The following BTG4 variants were observed in gnomAD, a reference collection of about 807,000 sequenced individuals.
BTG4 encodes BTG anti-proliferation factor 4.
BTG4 carries 10 observed loss-of-function variants against 19.3 expected under a neutral mutation model. The observed-to-expected ratio is 0.52, with a 90% CI of 0.32 to 0.88. The LOEUF is 0.88. BTG4 is among the 40% of genes least tolerant of loss of function. BTG4 has a pLI of 0.04. For missense variants in BTG4, 238 were observed against 281.9 expected (o/e 0.84, Z 1.11); for synonymous variants, 91 against 95.7 (o/e 0.95, Z 0.29).
At chr11:111,386,571 G>C in the BTG4 span, among the ~76,000 whole-genome samples, 11 of 152,304 alleles carry the variant, frequency 7.2e-5, no homozygotes, top group East Asian at 9.6e-4. Context: ...TGATTTTAAA[G>C]GAGGGCCATG....
At chr11:111,491,796 T>C (rs1450371622), downstream of BTG4, among the ~76,000 whole-genome samples, 1 of 150,394 alleles carries the variant, frequency 6.6e-6, no homozygotes, top group Non-Finnish European at 1.5e-5. Flanking sequence ...TACATACTCA[T>C]CATAGAAAAT....
the BTG4 span, chr11:111,397,956 C>A: frequency 6.6e-6 from 1 of 152,138 alleles, no homozygotes; most frequent in African/African-American, 2.4e-5. Flanking sequence ...AGTGTAATTT[C>A]TCTTAAATAA....
chr11:111,466,877 C>G (rs781436704), downstream of BTG4: 4 of 152,640 alleles, frequency 2.6e-5, no homozygotes, highest in Admixed American at 6.5e-5. Flanking sequence ...ACCTCCTTAT[C>G]CCCCAGCTTC....
In BTG4 at chr11:111,498,164, C is replaced by A. The variant is rs1466874705; in HGVS notation, c.174-29G>T. On this transcript the variant is annotated intron_variant, in intron 2 of 4. Coordinates refer to ENST00000692032, the MANE Select transcript of BTG4 (RefSeq NM_001367975.1). The stretch of plus-strand genomic sequence containing the variant: ...TTTAAAAAGCGAAGGGAAACGAAGA[C>A]ATGATGACAGACACTTTAGCAGGAG... 3 of 1,611,350 alleles carry A rather than the reference C, an allele frequency of 1.9e-6. No individual in the cohort carries two copies. In the South Asian group the frequency reaches 3.3e-5, roughly 18 times the overall value.
Position 111,497,342 on chromosome 11 carries a change from A to AT in BTG4, c.378dup (p.Tyr127IlefsTer9). On this transcript the variant is annotated frameshift_variant, in exon 4 of 5. Transcript: ENST00000692032. LOFTEE classifies it high-confidence loss of function. ...CTAACGGCATAACTGATTTGTTGAT[A>AT]TAGTTCCCATTCCTCCCATCTGCCT... 2 of 1,558,346 alleles carry AT rather than the reference A, an allele frequency of 1.3e-6. No individual in the cohort carries two copies. The highest frequency in any genetic ancestry group is 1.7e-4 in the Middle Eastern group (1 of 5,846).
chr11:111,404,050 G>A, the BTG4 span, among the ~76,000 whole-genome samples: 2 of 152,128 alleles, frequency 1.3e-5, no homozygotes, highest in African/African-American at 4.8e-5. Flanking sequence ...GGGACCCAGT[G>A]GGAGGTAATT....
chr11:111,446,711 G>A, the BTG4 span, among the ~76,000 whole-genome samples: 4 of 151,132 alleles, frequency 2.6e-5, no homozygotes, highest in African/African-American at 9.8e-5. Flanking sequence ...TCCACGCCCT[G>A]CTCACCACTT....
intron 5 of BTG4, chr11:111,474,950 C>T (rs1864314402): frequency 6.6e-6 from 1 of 152,520 alleles, no homozygotes; most frequent in South Asian, 2.1e-4. Context: ...GTGCCTAATC[C>T]AGTCTTTTGC....
chr11:111,473,633 C>T (rs991116918), intron 5 of BTG4, among the ~76,000 whole-genome samples: 6 of 152,062 alleles, frequency 3.9e-5, no homozygotes, highest in Non-Finnish European at 8.8e-5. Flanking sequence ...AGAAAGGATC[C>T]AAGAGAGCAT....
intron 2 of BTG4, 109 bp from the exon 3 acceptor site, chr11:111,498,244 A>C: frequency 7.9e-7 from 1 of 1,261,570 alleles, no homozygotes; most frequent in Non-Finnish European, 1.1e-6. Context: ...TCATCCCCTC[A>C]GCCTCCTTCC....
At chr11:111,469,958 C>T (rs1159952470) in intron 5 of BTG4, 1 of 152,666 alleles carries the variant, frequency 6.6e-6, no homozygotes, top group Non-Finnish European at 1.5e-5. Context: ...GCATGTATCT[C>T]CCTTGGAGCC....
upstream of BTG4, among the ~76,000 whole-genome samples, chr11:111,512,664 G>A (rs995065410): frequency 3.9e-5 from 6 of 152,158 alleles, no homozygotes; most frequent in African/African-American, 1.4e-4. Flanking sequence ...GCTGCGGGAA[G>A]GGGAGGCCTG....
At chr11:111,506,208 C>A (rs1866446217) in intron 1 of BTG4, among the ~76,000 whole-genome samples, 1 of 152,058 alleles carries the variant, frequency 6.6e-6, no homozygotes, top group South Asian at 2.1e-4. Context: ...ACAATTAGAG[C>A]AAAGTCATGG....
intron 5 of BTG4, among the ~76,000 whole-genome samples, chr11:111,479,288 G>C (rs925164109): frequency 1.3e-5 from 2 of 152,030 alleles, no homozygotes; most frequent in African/African-American, 4.8e-5. Context: ...GAATGAGAAG[G>C]AGAAACAATA....
chr11:111,408,946 A>C, the BTG4 span, among the ~76,000 whole-genome samples: 1 of 152,136 alleles, frequency 6.6e-6, no homozygotes, highest in African/African-American at 2.4e-5. Context: ...ATGGCAGCCA[A>C]TCTGCTAATG....
At chr11:111,501,167 G>T (rs1228858578) in intron 1 of BTG4, among the ~76,000 whole-genome samples, 1 of 151,988 alleles carries the variant, frequency 6.6e-6, no homozygotes, top group Non-Finnish European at 1.5e-5. Flanking sequence ...GGAGTTTGAG[G>T]CCGGCCTGGG....
chr11:111,446,678 C>T, the BTG4 span, among the ~76,000 whole-genome samples: 2 of 151,824 alleles, frequency 1.3e-5, no homozygotes, highest in African/African-American at 4.8e-5. Flanking sequence ...ACAGCATTTC[C>T]TCTTCTCCTT....
chr11:111,425,551 A>G, the BTG4 span, among the ~76,000 whole-genome samples: 1 of 152,352 alleles, frequency 6.6e-6, no homozygotes, highest in Admixed American at 6.5e-5. Flanking sequence ...ATAGTAGAAG[A>G]AAAACTTAAG....
rs889049026 is a variant in BTG4, at chr11:111,497,409, C to T, written c.312G>A (p.Arg104=). The T allele has an allele frequency of 2.9e-6, 4 of 1,376,770 alleles. No individual in the cohort carries two copies. The highest frequency in any genetic ancestry group is 2.8e-5 in the Admixed American group (1 of 35,316). The allele number at this position is 1,376,770 out of a possible 1,614,324, so 85.3% of individuals were successfully genotyped here. A position where few individuals can be genotyped will look rare whatever the true frequency, so the allele number is the denominator to read the frequency against. Residue 104 remains arginine, a splice_region_variant and synonymous_variant, in exon 4 of 5, where the codon AGG becomes AGA. Transcript: ENST00000692032. ...TAAATGGATGGTTTTTCTCACCATA[C>T]CTAAGTAGGAAAAGAAATTTAAGTG... ...IWVDPFEVCC[R]YGEKNHPFTV... is the part of the protein sequence containing the mutation.
Sources: gnomAD v4.1 joint callset for allele counts (sites outside exome capture counted in the v4.1 genomes callset) on GRCh38, gnomAD v4.1.1 for gene constraint, MANE v1.5 for transcripts, NCBI Gene and HGNC (gene_info 2026-07-23, HGNC 2026-07-21) for gene names.